TSHZ2: variants seen among roughly 807,000 people sequenced by gnomAD.
TSHZ2 encodes teashirt homolog 2.
A neutral mutation model predicts 74.4 loss-of-function variants in TSHZ2; 21 were observed. The observed-to-expected ratio is 0.28, with a 90% CI of 0.20 to 0.41. TSHZ2 has a LOEUF of 0.41. TSHZ2 is among the 10% of genes least tolerant of loss of function. The pLI is 1.00. For synonymous variants in TSHZ2, 540 were observed against 515.3 expected, an observed-to-expected ratio of 1.05 and a Z score of -0.65; for missense variants, 1,244 against 1,293.5, an observed-to-expected ratio of 0.96 and a Z score of 0.59.
intron 2 of TSHZ2, among the ~76,000 whole-genome samples, chr20:53,257,094 G>A (rs1299735245): frequency 1.6e-4 from 24 of 152,202 alleles, no homozygotes. Flanking sequence ...ATTGTTACTT[G>A]TAATGAATGC....
intron 2 of TSHZ2, among the ~76,000 whole-genome samples, chr20:53,394,958 C>T (rs468945): frequency 6.7e-6 from 1 of 149,356 alleles, no homozygotes; most frequent in South Asian, 2.2e-4. Context: ...TCACCTCCTT[C>T]TTGCCTTCCC....
At chr20:53,384,282 C>A (rs1981965423) in intron 2 of TSHZ2, among the ~76,000 whole-genome samples, 1 of 152,192 alleles carries the variant, frequency 6.6e-6, no homozygotes, top group South Asian at 2.1e-4. Flanking sequence ...GGAAGACATT[C>A]ATTACTGAAG....
intron 2 of TSHZ2, among the ~76,000 whole-genome samples, chr20:53,431,395 G>A (rs1245513112): frequency 6.6e-6 from 1 of 151,552 alleles, no homozygotes; most frequent in Non-Finnish European, 1.5e-5. Context: ...GGCAGAGGTT[G>A]TGGTGAGCTG....
chr20:53,279,798 G>A (rs1029307224), intron 2 of TSHZ2, among the ~76,000 whole-genome samples: 5 of 152,190 alleles, frequency 3.3e-5, no homozygotes, highest in African/African-American at 1.2e-4. Flanking sequence ...GGGTAGCAGT[G>A]GTGCTAATTT....
intron 2 of TSHZ2, among the ~76,000 whole-genome samples, chr20:53,454,894 A>G (rs76199192): frequency 0.02 from 3,097 of 152,278 alleles, 103 homozygotes; most frequent in African/African-American, 0.07. Flanking sequence ...ACATCTGAAC[A>G]ATGAGACAGA....
chr20:53,024,859 G>A (rs1194730661), intron 1 of TSHZ2, among the ~76,000 whole-genome samples: 2 of 152,118 alleles, frequency 1.3e-5, no homozygotes, highest in East Asian at 1.9e-4. Context: ...GTATTCCATG[G>A]TGTATATGTA....
In TSHZ2 at chr20:53,158,422, G is replaced by A. The variant is rs1987847993; in HGVS notation, c.41-95077G>A. Among the ~76,000 whole-genome samples, 2 of 152,150 alleles carry A rather than the reference G, an allele frequency of 1.3e-5. 1 individual carries two copies. The highest frequency in any genetic ancestry group is 4.1e-4 in the South Asian group (2 of 4,830). ...GAGCTGGGAGCAGGCAGGCAGGACA[G>A]GGCTGTGGCAGTCGGTAGTGGCTGT... On this transcript the variant is annotated intron_variant, in intron 1 of 2. Transcript: ENST00000371497.
intron 1 of TSHZ2, among the ~76,000 whole-genome samples, 182 bp downstream of exon 1, chr20:52,973,515 G>A (rs1981210619): frequency 6.6e-6 from 1 of 152,112 alleles, no homozygotes; most frequent in Non-Finnish European, 1.5e-5. Flanking sequence ...CCCCTTCCAA[G>A]CTCCGGTTGG....
chr20:53,237,664 C>T (rs889303615), intron 1 of TSHZ2, among the ~76,000 whole-genome samples: 7 of 152,080 alleles, frequency 4.6e-5, no homozygotes, highest in Admixed American at 3.3e-4. Flanking sequence ...TCAGCGGTAG[C>T]GAGGCTGCAT....
chr20:53,377,103 G>A lies in TSHZ2; in HGVS notation c.*9-110041G>A, dbSNP rs550459205. 4.6e-5 allele frequency among the ~76,000 whole-genome samples: 7 copies of A among 152,334 alleles called. No individual in the cohort carries two copies. In the South Asian group the frequency reaches 1.4e-3, roughly 32 times the overall value. ...TCATGAAAACAAGCGAGGAGTCATTGCAAGTCCAACTCAAACATGTATAGT... is the reference window on the plus strand; with the variant it reads ...TCATGAAAACAAGCGAGGAGTCATTACAAGTCCAACTCAAACATGTATAGT... On this transcript the variant is annotated intron_variant, in intron 2 of 2. Transcript: ENST00000371497.
At chr20:53,094,851 G>C (rs1046585545) in intron 1 of TSHZ2, among the ~76,000 whole-genome samples, 2 of 152,134 alleles carry the variant, frequency 1.3e-5, no homozygotes, top group African/African-American at 2.4e-5. Flanking sequence ...ATGGCCCTTT[G>C]TAAAGAAAAT....
At chr20:53,011,412 G>A (rs573858578) in intron 1 of TSHZ2, among the ~76,000 whole-genome samples, 4 of 152,254 alleles carry the variant, frequency 2.6e-5, no homozygotes, top group East Asian at 1.9e-4. Context: ...TAAACCCAAA[G>A]TTTTAAATAT....
At chr20:53,469,555 GGGAA>G (rs142116366) in intron 2 of TSHZ2, among the ~76,000 whole-genome samples, 13,034 of 77,828 alleles carry the variant, frequency 0.17, 1,696 homozygotes, top group East Asian at 0.26. Context: ...GAAAGAAGGA[GGGAA>G]GGAAGGAAGG....
intron 2 of TSHZ2, among the ~76,000 whole-genome samples, chr20:53,274,830 C>T (rs1445572594): frequency 6.6e-6 from 1 of 152,138 alleles, no homozygotes; most frequent in Admixed American, 6.6e-5. Context: ...TGTCTTCATC[C>T]CCTTCCCTAG....
In TSHZ2 at chr20:53,146,495, C is replaced by T. The variant is rs138501876; in HGVS notation, c.41-107004C>T. Among the ~76,000 whole-genome samples the T allele has an allele frequency of 1.8e-4, 28 of 152,244 alleles. No individual in the cohort carries two copies. The East Asian group carries it at 4.8e-3, about 26-fold the overall frequency. On this transcript the variant is annotated intron_variant, in intron 1 of 2. Coordinates refer to ENST00000371497, the MANE Select transcript of TSHZ2 (RefSeq NM_173485.6). The stretch of plus-strand genomic sequence containing the variant: ...GAGGCCTTTGAAATGAGCTTTCGCG[C>T]GTGAGTAATGACCTTCAGGATGTGG...
intron 1 of TSHZ2, among the ~76,000 whole-genome samples, chr20:53,203,466 G>C (rs1424947183): frequency 6.6e-6 from 1 of 152,004 alleles, no homozygotes; most frequent in Admixed American, 6.6e-5. Flanking sequence ...TTTAAGTTCT[G>C]TTTTGAGGGT....
At chr20:53,322,168 G>A (rs910730016) in intron 2 of TSHZ2, among the ~76,000 whole-genome samples, 16 of 152,172 alleles carry the variant, frequency 1.1e-4, no homozygotes, top group African/African-American at 3.6e-4. Flanking sequence ...AATTTTATTC[G>A]AGATCAGAAA....
At chr20:53,189,186 C>T (rs1455725243) in intron 1 of TSHZ2, among the ~76,000 whole-genome samples, 2 of 152,182 alleles carry the variant, frequency 1.3e-5, no homozygotes, top group African/African-American at 4.8e-5. Context: ...AAAAGATTTC[C>T]ATCCTTTTCC....
At chr20:53,393,709 G>T (rs1277966934) in intron 2 of TSHZ2, among the ~76,000 whole-genome samples, 3 of 149,778 alleles carry the variant, frequency 2.0e-5, no homozygotes, top group Non-Finnish European at 4.5e-5. Flanking sequence ...AAAAACTAAG[G>T]TCTGTAGTCT....
Sources: allele counts gnomAD v4.1 joint callset (sites outside exome capture counted in the v4.1 genomes callset), GRCh38; gene constraint gnomAD v4.1.1; transcripts MANE v1.5; gene names NCBI Gene and HGNC (gene_info 2026-07-23, HGNC 2026-07-21).